TENM2: variants seen among roughly 807,000 people sequenced by gnomAD.
The protein encoded by TENM2 is teneurin transmembrane protein 2.
A neutral mutation model predicts 245.2 loss-of-function variants in TENM2; 52 were observed. That is an observed-to-expected ratio of 0.21 (90% confidence interval 0.17 to 0.27). The LOEUF (loss-of-function observed/expected upper bound fraction) is 0.27. Among genes scored for constraint, TENM2 ranks in the 10% least tolerant of loss-of-function variants. The probability of loss-of-function intolerance (pLI) is 1.00; values close to 1 mark genes in which losing one functional copy is unlikely to be tolerated. For missense variants in TENM2, 3,046 were observed against 3,666.8 expected (o/e 0.83, Z 4.37); for synonymous variants, 1,363 against 1,438.9 (o/e 0.95, Z 1.19).
intron 2 of TENM2, among the ~76,000 whole-genome samples, chr5:167,675,635 A>G (rs1004647966): frequency 6.6e-6 from 1 of 152,068 alleles, no homozygotes; most frequent in Non-Finnish European, 1.5e-5. Flanking sequence ...TGCACAGTGG[A>G]TAAGGAGGTT....
intron 5 of TENM2, among the ~76,000 whole-genome samples, chr5:167,999,986 G>A (rs1352667872): frequency 1.3e-5 from 2 of 152,220 alleles, no homozygotes; most frequent in African/African-American, 4.8e-5. Flanking sequence ...TGAATATGGA[G>A]AGTTCTCCAC....
rs55869331 is a variant in TENM2 at position 167,293,976 on chromosome 5, CTG to C, written c.226+8941_226+8942del. Among the ~76,000 whole-genome samples the C allele has an allele frequency of 2.4e-3, 355 of 148,740 alleles. 1 individual carries two copies. Among genetic ancestry groups the C allele is most frequent in the African/African-American group, 6.9e-3 (279 of 40,466 alleles). On this transcript the variant is annotated intron_variant, in intron 1 of 28. Coordinates refer to ENST00000518659, the Ensembl canonical transcript of TENM2. Reference sequence around the variant, plus strand: ...CAGAGACTCTAAGTAGATGTGAGTTCTGTGTGTGTGTGTGTGTGTGTGTGTGT... The same window carrying C: ...CAGAGACTCTAAGTAGATGTGAGTTCTGTGTGTGTGTGTGTGTGTGTGTGT...
At chr5:168,102,743 T>C (rs2152290321) in intron 9 of TENM2, among the ~76,000 whole-genome samples, 1 of 152,298 alleles carries the variant, frequency 6.6e-6, no homozygotes, top group Non-Finnish European at 1.5e-5. Flanking sequence ...ACTGAATTTA[T>C]TTCTGAAATG....
the TENM2 span, among the ~76,000 whole-genome samples, chr5:167,186,428 AC>A: frequency 6.6e-6 from 1 of 152,188 alleles, no homozygotes; most frequent in Non-Finnish European, 1.5e-5. Context: ...AGATAAAACA[AC>A]AGGGCTCTCC....
intron 2 of TENM2, among the ~76,000 whole-genome samples, chr5:167,428,853 G>A (rs1422353520): frequency 6.6e-6 from 1 of 152,110 alleles, no homozygotes; most frequent in East Asian, 1.9e-4. Context: ...AGTGGTCAGG[G>A]CCTTACACAA....
At chr5:168,255,168 A>G (rs1453442136) in intron 27 of TENM2, among the ~76,000 whole-genome samples, 1 of 152,256 alleles carries the variant, frequency 6.6e-6, no homozygotes, top group Non-Finnish European at 1.5e-5. Context: ...TGGTATACAG[A>G]TGAAGTATTA....
intron 4 of TENM2, among the ~76,000 whole-genome samples, chr5:167,964,187 C>T (rs970310849): frequency 3.9e-5 from 6 of 152,290 alleles, no homozygotes; most frequent in East Asian, 1.9e-4. Flanking sequence ...GAAATCTTCC[C>T]GGTCGGCTGC....
At chr5:167,307,187 TGGTG>T (rs1755729799) in intron 1 of TENM2, among the ~76,000 whole-genome samples, 1 of 152,200 alleles carries the variant, frequency 6.6e-6, no homozygotes. Flanking sequence ...AGGGCTATTT[TGGTG>T]CTCAGATCTG....
At chr5:167,966,708 A>G (rs1781410628) in intron 4 of TENM2, among the ~76,000 whole-genome samples, 1 of 152,194 alleles carries the variant, frequency 6.6e-6, no homozygotes, top group African/African-American at 2.4e-5. Flanking sequence ...CCTAAGGATT[A>G]ATTTTCTGAC....
At chr5:167,581,213 T>C (rs1262845728) in intron 2 of TENM2, among the ~76,000 whole-genome samples, 1 of 152,216 alleles carries the variant, frequency 6.6e-6, no homozygotes, top group Non-Finnish European at 1.5e-5. Flanking sequence ...CACAAGCTGT[T>C]TCTGTTTCTA....
At chr5:167,319,049 C>G (rs1756553958) in intron 1 of TENM2, among the ~76,000 whole-genome samples, 4 of 152,120 alleles carry the variant, frequency 2.6e-5, no homozygotes, top group Non-Finnish European at 1.5e-5. Flanking sequence ...AAAAAAAAAT[C>G]TGTTTATCAA....
the TENM2 span, among the ~76,000 whole-genome samples, chr5:167,206,438 A>G: frequency 1.8e-4 from 27 of 152,284 alleles, no homozygotes; most frequent in African/African-American, 4.1e-4. Flanking sequence ...AGAGAAGTCA[A>G]TGTTCTAATC....
intron 2 of TENM2, among the ~76,000 whole-genome samples, chr5:167,537,298 C>T (rs962673635): frequency 6.9e-6 from 1 of 144,744 alleles, no homozygotes; most frequent in African/African-American, 2.5e-5. Flanking sequence ...TAGATTTTTT[C>T]ATCTGCAAAG....
At position 167,334,308 on chromosome 5, in the gene TENM2, C is replaced by CA. The variant is rs546928861; in HGVS notation, c.227-40889dup. On this transcript the variant is annotated intron_variant, in intron 1 of 28. Coordinates refer to ENST00000518659, the Ensembl canonical transcript of TENM2. ...CTTAAAAACTGACCTTTAGCAGATC[C>CA]ATGATCACCATATAGATTTGACTGA... 2.5e-3 allele frequency among the ~76,000 whole-genome samples: 385 copies of CA among 152,296 alleles called. 6 individuals are homozygous for CA. The highest frequency in any genetic ancestry group is 8.8e-3 in the African/African-American group (366 of 41,548).
intron 9 of TENM2, among the ~76,000 whole-genome samples, chr5:168,106,317 A>G (rs1451471392): frequency 6.7e-6 from 1 of 149,880 alleles, no homozygotes; most frequent in African/African-American, 2.5e-5. Flanking sequence ...CAAATTCCTC[A>G]TGGCTACATG....
the TENM2 span, among the ~76,000 whole-genome samples, chr5:167,065,798 G>A: frequency 6.6e-6 from 1 of 152,182 alleles, no homozygotes; most frequent in East Asian, 1.9e-4. Context: ...TGCTTACTGT[G>A]AAAATTTATC....
In TENM2 at chr5:167,834,237, A is replaced by G. The variant is rs60805376; in HGVS notation, c.503-41749A>G. ...AAGGAGTCACATTTCTGAGGAGGTAAATTTTGAACTGAGATGTCAGTGGCA... is the reference window on the plus strand; with the variant it reads ...AAGGAGTCACATTTCTGAGGAGGTAGATTTTGAACTGAGATGTCAGTGGCA... On this transcript the variant is annotated intron_variant, in intron 2 of 28. Transcript: ENST00000518659. Among the ~76,000 whole-genome samples the G allele has an allele frequency of 9.9e-3, 1,501 of 152,252 alleles. 20 individuals carry two copies. The highest frequency in any genetic ancestry group is 0.034 in the African/African-American group (1,428 of 41,534).
intron 6 of TENM2, among the ~76,000 whole-genome samples, chr5:168,050,095 G>T (rs1442190399): frequency 6.6e-6 from 1 of 152,162 alleles, no homozygotes; most frequent in Admixed American, 6.5e-5. Context: ...GAGCCACTGT[G>T]CCCAGCAGAG....
At chr5:167,612,575 G>A (rs1777545959) in intron 2 of TENM2, among the ~76,000 whole-genome samples, 2 of 152,068 alleles carry the variant, frequency 1.3e-5, no homozygotes, top group Non-Finnish European at 2.9e-5. Flanking sequence ...ACTTTAAAAG[G>A]TTGTAAATGT....
Sources: allele counts gnomAD v4.1 joint callset (sites outside exome capture counted in the v4.1 genomes callset), GRCh38; gene constraint gnomAD v4.1.1; transcripts MANE v1.5; gene names NCBI Gene and HGNC (gene_info 2026-07-23, HGNC 2026-07-21).